Variants in CTNNA2 observed in about 807,000 individuals in gnomAD.
CTNNA2 encodes the protein catenin alpha 2.
In CTNNA2, 42 loss-of-function variants were observed where a neutral mutation model predicts 101.0. That is an observed-to-expected ratio of 0.42 (90% CI 0.32 to 0.54). The LOEUF (loss-of-function observed/expected upper bound fraction) is 0.54, where lower values mean the gene tolerates loss of function less well. Ranked by LOEUF, CTNNA2 falls within the 20% of genes least tolerant of loss-of-function variation. The pLI, the probability that CTNNA2 is intolerant of heterozygous loss-of-function variation, is 0.14. For synonymous variants in CTNNA2, 450 were observed against 456.4 expected, an observed-to-expected ratio of 0.99 and a Z score of 0.18; for missense variants, 871 against 1,223.1, an observed-to-expected ratio of 0.71 and a Z score of 4.29.
chr2:79,396,029 T>C (rs1325798559), intron 4 of CTNNA2, among the ~76,000 whole-genome samples: 1 of 152,248 alleles, frequency 6.6e-6, no homozygotes, highest in Non-Finnish European at 1.5e-5. Flanking sequence ...ATGTGTTTCC[T>C]GTTTTCTAAT....
chr2:80,163,521 AG>A (rs1445483603), intron 7 of CTNNA2, among the ~76,000 whole-genome samples: 1 of 152,260 alleles, frequency 6.6e-6, no homozygotes, highest in East Asian at 1.9e-4. Context: ...TTTATGACCC[AG>A]GATATGGTAT....
At chr2:79,615,584 A>G (rs754058847) in intron 1 of CTNNA2, among the ~76,000 whole-genome samples, 4 of 152,180 alleles carry the variant, frequency 2.6e-5, no homozygotes, top group Non-Finnish European at 5.9e-5. Context: ...AACTGTTTTG[A>G]CGAGAGGGTC....
chr2:80,280,552 A>G (rs1178673015), intron 7 of CTNNA2, among the ~76,000 whole-genome samples: 1 of 151,728 alleles, frequency 6.6e-6, no homozygotes, highest in African/African-American at 2.4e-5. Flanking sequence ...GATCTTACAC[A>G]CCTTTTATTT....
chr2:79,595,619 T>C (rs1362020188), intron 1 of CTNNA2, among the ~76,000 whole-genome samples: 1 of 152,164 alleles, frequency 6.6e-6, no homozygotes, highest in Non-Finnish European at 1.5e-5. Context: ...CCCCTGTTGA[T>C]ATCACTATGC....
At chr2:79,568,536 T>C (rs1675257230) in intron 1 of CTNNA2, among the ~76,000 whole-genome samples, 1 of 151,936 alleles carries the variant, frequency 6.6e-6, no homozygotes, top group African/African-American at 2.4e-5. Flanking sequence ...AAGCAGAGGT[T>C]GCAGTGAGCC....
intron 7 of CTNNA2, among the ~76,000 whole-genome samples, chr2:79,925,038 A>G (rs927841508): frequency 6.6e-6 from 1 of 152,108 alleles, no homozygotes; most frequent in East Asian, 1.9e-4. Flanking sequence ...TCCATAGCAC[A>G]GTGTTAAAGG....
intron 4 of CTNNA2, among the ~76,000 whole-genome samples, chr2:79,434,279 CAG>C (rs1573164396): frequency 9.2e-6 from 1 of 108,746 alleles, no homozygotes. Context: ...GCCTGGGAAA[CAG>C]AGAGAGACTC....
At chr2:79,294,447 A>G (rs996785988) in intron 2 of CTNNA2, among the ~76,000 whole-genome samples, 1 of 152,144 alleles carries the variant, frequency 6.6e-6, no homozygotes, top group Admixed American at 6.6e-5. Flanking sequence ...GGGATTTGAC[A>G]TGTGAACGTG....
chr2:79,215,894 A>G lies in CTNNA2; in HGVS notation c.-406+17818A>G, dbSNP rs528594588. On this transcript the variant is annotated intron_variant, in intron 2 of 21. Transcript: ENST00000466387. ...ATGACCTAGCTCGGCCTTGCGAGGA[A>G]GGGAGAGGTCAGATGGGTCAGTAGA... 1.2e-4 allele frequency among the ~76,000 whole-genome samples: 18 copies of G among 152,014 alleles called. No homozygotes were observed. In the East Asian group the frequency reaches 1.7e-3, roughly 15 times the overall value.
At chr2:80,537,300 C>T (rs1425161075) in intron 9 of CTNNA2, among the ~76,000 whole-genome samples, 1 of 152,104 alleles carries the variant, frequency 6.6e-6, no homozygotes, top group Non-Finnish European at 1.5e-5. Context: ...GTATATGTGC[C>T]ATATTTTCCT....
chr2:80,360,537 G>A (rs1674301378), intron 7 of CTNNA2, among the ~76,000 whole-genome samples: 1 of 152,050 alleles, frequency 6.6e-6, no homozygotes, highest in South Asian at 2.1e-4. Flanking sequence ...AACCACAGGA[G>A]CATCTTAGAC....
intron 3 of CTNNA2, among the ~76,000 whole-genome samples, chr2:79,366,043 CAAA>C (rs1334981757): frequency 6.6e-6 from 1 of 152,152 alleles, no homozygotes; most frequent in Non-Finnish European, 1.5e-5. Context: ...GCAGCATTAA[CAAA>C]AAATTAGAGA....
intron 16 of CTNNA2, 121 bp downstream of exon 16, chr2:80,604,300 C>A: frequency 1.4e-6 from 1 of 734,742 alleles, no homozygotes; most frequent in Non-Finnish European, 2.3e-6. Context: ...AGGGGAGAAT[C>A]ACTGATATTT....
chr2:80,576,242 G>C (rs1695032233), intron 13 of CTNNA2: 1 of 152,038 alleles, frequency 6.6e-6, no homozygotes, highest in Non-Finnish European at 1.5e-5. Flanking sequence ...GGTGATGTTG[G>C]TATCCAAGTG....
intron 2 of CTNNA2, among the ~76,000 whole-genome samples, chr2:79,289,455 C>T (rs555978830): frequency 4.6e-5 from 7 of 151,888 alleles, no homozygotes; most frequent in East Asian, 3.9e-4. Flanking sequence ...GCTAATGAGT[C>T]GGGTTGGTTA....
At chr2:79,187,870 G>C (rs1673802083) in intron 1 of CTNNA2, among the ~76,000 whole-genome samples, 1 of 152,032 alleles carries the variant, frequency 6.6e-6, no homozygotes, top group Non-Finnish European at 1.5e-5. Context: ...TTAAATATCA[G>C]GATATACATG....
chr2:79,638,571 A>G (rs919249296), intron 1 of CTNNA2, among the ~76,000 whole-genome samples: 2 of 152,160 alleles, frequency 1.3e-5, no homozygotes, highest in African/African-American at 4.8e-5. Flanking sequence ...CAGGAGAATC[A>G]TTTCCCACTT....
intron 9 of CTNNA2, among the ~76,000 whole-genome samples, chr2:80,453,981 A>G (rs751096513): frequency 4.8e-4 from 73 of 152,270 alleles, no homozygotes; most frequent in Non-Finnish European, 7.6e-4. Context: ...TAGCTGCACA[A>G]TTGTCAAAGC....
At chr2:80,308,542 C>T (rs950219260) in intron 7 of CTNNA2, among the ~76,000 whole-genome samples, 5 of 152,128 alleles carry the variant, frequency 3.3e-5, no homozygotes, top group African/African-American at 1.2e-4. Context: ...TGGCATTTTA[C>T]AGAATGCTCA....
Sources: gnomAD v4.1 joint callset for allele counts (sites outside exome capture counted in the v4.1 genomes callset) on GRCh38, gnomAD v4.1.1 for gene constraint, MANE v1.5 for transcripts, NCBI Gene and HGNC (gene_info 2026-07-23, HGNC 2026-07-21) for gene names.